The following MPHOSPH9 variants were observed in gnomAD, a reference collection of about 807,000 sequenced individuals.
MPHOSPH9 encodes M-phase phosphoprotein 9.
In MPHOSPH9, 88 loss-of-function variants were observed where a neutral mutation model predicts 145.5. That is an observed-to-expected ratio of 0.60 (90% CI 0.51 to 0.72). The LOEUF is 0.72. Among genes scored for constraint, MPHOSPH9 ranks in the 30% least tolerant of loss-of-function variants. The probability of loss-of-function intolerance (pLI) is 0.00; values close to 1 mark genes in which losing one functional copy is unlikely to be tolerated. For synonymous variants in MPHOSPH9, 435 were observed against 486.2 expected (o/e 0.89, Z 1.39); for missense variants, 1,238 against 1,386.6 (o/e 0.89, Z 1.70).
chr12:123,234,224 C>T (rs2047791138), upstream of MPHOSPH9, among the ~76,000 whole-genome samples: 1 of 152,174 alleles, frequency 6.6e-6, no homozygotes, highest in Non-Finnish European at 1.5e-5. Context: ...ACTCGATTTA[C>T]CTCCAGGAGT....
At chr12:123,186,245 A>AAAAAAAAAAAAAAAAAAAAAAAAAC (rs1565924007) in intron 13 of MPHOSPH9, among the ~76,000 whole-genome samples, 1 of 144,106 alleles carries the variant, frequency 6.9e-6, no homozygotes, top group Non-Finnish European at 1.5e-5. Context: ...AAAAAAAAAA[A>AAAAAAAAAAAAAAAAAAAAAAAAAC]AAAAAAGAGA....
In MPHOSPH9 at chr12:123,202,433, T is replaced by G. The variant is rs774522274; in HGVS notation, c.1782-114A>C. The G allele has an allele frequency of 1.0e-4, 125 of 1,255,494 alleles. 1 individual carries two copies. Among genetic ancestry groups the G allele is most frequent in the Non-Finnish European group, 1.3e-4 (117 of 915,006 alleles). 77.8% of individuals were successfully genotyped at this position (1,255,494 alleles called of 1,614,324 possible). A position where few individuals can be genotyped will look rare whatever the true frequency, so the allele number is the denominator to read the frequency against. On this transcript the variant is annotated intron_variant, in intron 10 of 23. Coordinates refer to ENST00000606320, the MANE Select transcript of MPHOSPH9 (RefSeq NM_022782.4). ...TGGGCAAAAATATAGCATATTTCCTTTGCATACTACAAAATATATAGATTA... is the reference window on the plus strand; with the variant it reads ...TGGGCAAAAATATAGCATATTTCCTGTGCATACTACAAAATATATAGATTA...
intron 12 of MPHOSPH9, among the ~76,000 whole-genome samples, chr12:123,196,013 C>T (rs1181105699): frequency 2.0e-5 from 3 of 150,322 alleles, no homozygotes; most frequent in East Asian, 1.9e-4. Context: ...CTAGCCTGGG[C>T]GATGGAGTGA....
rs1839706857 is a variant in MPHOSPH9, at chr12:123,216,019, C to T, written c.997-1185G>A. Among the ~76,000 whole-genome samples the T allele has an allele frequency of 3.9e-5, 6 of 152,200 alleles. No homozygotes were observed. In the South Asian group the frequency reaches 8.3e-4, roughly 21 times the overall value. On this transcript the variant is annotated intron_variant, in intron 6 of 23. Coordinates refer to ENST00000606320, the MANE Select transcript of MPHOSPH9 (RefSeq NM_022782.4). ...TTGGGAGGCCAAGGCGGGCAGATCA[C>T]GAGGTCAGGAGATTGGGATTATCCT... is the stretch of plus-strand genomic sequence containing the variant.
At chr12:123,205,927 A>G (rs1397642171) in intron 8 of MPHOSPH9, among the ~76,000 whole-genome samples, 1 of 152,148 alleles carries the variant, frequency 6.6e-6, no homozygotes, top group Admixed American at 6.6e-5. Flanking sequence ...AAACCTACAC[A>G]CTACAATGAA....
chr12:123,210,015 C>G (rs753111337), intron 8 of MPHOSPH9, 41 bp downstream of exon 8: 3 of 1,444,032 alleles, frequency 2.1e-6, no homozygotes, highest in Non-Finnish European at 2.9e-6. Context: ...GGATTACAGG[C>G]GTAAGCCACC....
At chr12:123,167,344 T>C (rs899899165) in intron 16 of MPHOSPH9, among the ~76,000 whole-genome samples, 4 of 152,116 alleles carry the variant, frequency 2.6e-5, no homozygotes, top group Admixed American at 6.5e-5. Flanking sequence ...TCCCAAAAAA[T>C]GGAGCTGGGA....
intron 1 of MPHOSPH9, among the ~76,000 whole-genome samples, chr12:123,232,277 T>C (rs2047676808): frequency 6.6e-6 from 1 of 151,596 alleles, no homozygotes; most frequent in East Asian, 1.9e-4. Context: ...GGAAAACCAC[T>C]AGAAATTCAA....
rs139633535 is a variant in MPHOSPH9, at chr12:123,176,586, A to G, written c.2456+102T>C. On this transcript the variant is annotated intron_variant, in intron 16 of 23. Transcript: ENST00000606320. ...TAACACATTTAAGTTCTGTAATGAC[A>G]TTTAACCCGGACTTTCTTATGATTT... 5.3e-4 allele frequency: 452 copies of G among 855,288 alleles called. 1 individual carries two copies. In the African/African-American group the frequency reaches 7.1e-3, roughly 13 times the overall value. 53.0% of individuals were successfully genotyped at this position (855,288 alleles called of 1,614,324 possible). A position where few individuals can be genotyped will look rare whatever the true frequency, so the allele number is the denominator to read the frequency against.
At chr12:123,212,766 C>CTTTTTTTTTT (rs769159602) in intron 7 of MPHOSPH9, among the ~76,000 whole-genome samples, 6 of 93,892 alleles carry the variant, frequency 6.4e-5, no homozygotes, top group Admixed American at 1.8e-4. Context: ...CAATGGTCGA[C>CTTTTTTTTTT]TTTTTTTTTT....
At chr12:123,238,844 G>A (rs2047889262) in intron 1 of MPHOSPH9, among the ~76,000 whole-genome samples, 3 of 152,152 alleles carry the variant, frequency 2.0e-5, no homozygotes, top group African/African-American at 7.2e-5. Flanking sequence ...ACTTTGGGTA[G>A]CAAGATTCTA....
Position 123,165,455 on chromosome 12 carries a change from C to G in MPHOSPH9, c.2614G>C (p.Asp872His). 2.5e-6 allele frequency: 4 copies of G among 1,613,832 alleles called. No homozygotes were observed. The highest frequency in any genetic ancestry group is 3.4e-6 in the Non-Finnish European group (4 of 1,179,952). ...SLGHRSPLEKDSSPGSSSTSL... is the reference protein window; with the variant it reads ...SLGHRSPLEKHSSPGSSSTSL... ...GTTGATGAACTTCCAGGTGAAGAAT[C>G]CTTTTCCAGAGGTGAACGGTGCCTT... is the stretch of plus-strand genomic sequence containing the variant. Residue 872 changes from aspartate (D) to histidine (H), a missense_variant, in exon 18 of 24, where the codon GAT becomes CAT. By Grantham distance (81) the Asp-to-His change is moderately conservative. Coordinates refer to ENST00000606320, the MANE Select transcript of MPHOSPH9 (RefSeq NM_022782.4).
chr12:123,233,557 A>G (rs2047766918), upstream of MPHOSPH9: 1 of 152,208 alleles, frequency 6.6e-6, no homozygotes, highest in Non-Finnish European at 1.5e-5. Context: ...GAAGCCAGGT[A>G]ACCCTACGGC....
intron 20 of MPHOSPH9, chr12:123,162,621 G>A (rs762973040): frequency 2.0e-4 from 37 of 186,974 alleles, no homozygotes; most frequent in Non-Finnish European, 3.5e-4. Context: ...CCCACACTTC[G>A]GAGGGGACAG....
intron 16 of MPHOSPH9, among the ~76,000 whole-genome samples, chr12:123,175,754 G>A (rs868835362): frequency 4.1e-5 from 6 of 145,860 alleles, no homozygotes; most frequent in African/African-American, 1.5e-4. Context: ...GCCTTCCCTG[G>A]TCCCCAACCC....
At chr12:123,230,195 A>C (rs1448987831) in intron 2 of MPHOSPH9, 66 bp downstream of exon 2, 1 of 813,592 alleles carries the variant, frequency 1.2e-6, no homozygotes, top group Non-Finnish European at 1.9e-6. Flanking sequence ...TATTTGGATA[A>C]GTTGATAAAC....
intron 7 of MPHOSPH9, among the ~76,000 whole-genome samples, chr12:123,210,981 T>TC (rs1565955979): frequency 3.8e-4 from 49 of 127,320 alleles, no homozygotes; most frequent in Non-Finnish European, 6.2e-4. Flanking sequence ...TTTTTTCTTT[T>TC]TTTTTTTTTT....
intron 3 of MPHOSPH9, among the ~76,000 whole-genome samples, 186 bp from the exon 4 acceptor site, chr12:123,223,313 G>C (rs1422666297): frequency 6.6e-6 from 1 of 152,028 alleles, no homozygotes; most frequent in East Asian, 1.9e-4. Context: ...TTCTACAGAA[G>C]GCTACGTTCA....
chr12:123,218,133 G>A (rs1345969460), intron 6 of MPHOSPH9, among the ~76,000 whole-genome samples: 1 of 151,948 alleles, frequency 6.6e-6, no homozygotes. Flanking sequence ...TTGGGAGGAT[G>A]AGACAGGAGA....
Sources: gnomAD v4.1 joint callset for allele counts (sites outside exome capture counted in the v4.1 genomes callset) on GRCh38, gnomAD v4.1.1 for gene constraint, MANE v1.5 for transcripts, NCBI Gene and HGNC (gene_info 2026-07-23, HGNC 2026-07-21) for gene names.